Variants in HLCS observed in about 807,000 individuals in gnomAD.
The protein encoded by HLCS is biotin--protein ligase.
In HLCS, 53 loss-of-function variants were observed where a neutral mutation model predicts 75.0. That is an observed-to-expected ratio of 0.71 (90% CI 0.57 to 0.89). HLCS has a LOEUF of 0.89. Among genes scored for constraint, HLCS ranks in the 40% least tolerant of loss-of-function variants. The pLI is 0.00. For missense variants in HLCS, 966 were observed against 1,074.0 expected (o/e 0.90, Z 1.41); for synonymous variants, 431 against 428.6 (o/e 1.01, Z -0.07).
intron 6 of HLCS, among the ~76,000 whole-genome samples, chr21:36,858,644 A>C (rs1027317911): frequency 1.3e-5 from 2 of 152,184 alleles, no homozygotes; most frequent in African/African-American, 4.8e-5. Flanking sequence ...TCAAGGGCTG[A>C]GGAGGCCTTG....
At chr21:36,830,878 G>T (rs1388270731) in intron 6 of HLCS, among the ~76,000 whole-genome samples, 1 of 148,330 alleles carries the variant, frequency 6.7e-6, no homozygotes, top group Non-Finnish European at 1.5e-5. Flanking sequence ...CATCCAGGAT[G>T]AGGAGGCTTT....
intron 5 of HLCS, among the ~76,000 whole-genome samples, chr21:36,906,722 A>G (rs2146377585): frequency 6.6e-6 from 1 of 151,696 alleles, no homozygotes; most frequent in African/African-American, 2.4e-5. Context: ...GAAAATAGAA[A>G]CTATTTTAAA....
rs148342090 is a variant in HLCS at position 36,760,464 on chromosome 21, G to A, written c.2122-623C>T. Among the ~76,000 whole-genome samples, 1,303 of 152,198 alleles carry A rather than the reference G, an allele frequency of 8.6e-3. 11 individuals are homozygous for A. The highest frequency in any genetic ancestry group is 0.014 in the Middle Eastern group (4 of 294). ...TCTCTGCTAAAAATACAAAAAATTAGCTGGGTGTGGTGGTGTGCATCTGTA... is the reference window on the plus strand; with the variant it reads ...TCTCTGCTAAAAATACAAAAAATTAACTGGGTGTGGTGGTGTGCATCTGTA... On this transcript the variant is annotated intron_variant, in intron 8 of 10. Transcript: ENST00000674895.
At chr21:36,874,730 C>G (rs1458316789) in intron 6 of HLCS, among the ~76,000 whole-genome samples, 1 of 152,204 alleles carries the variant, frequency 6.6e-6, no homozygotes, top group African/African-American at 2.4e-5. Context: ...GGCTGCTGCA[C>G]TCCATGGAGC....
intron 2 of HLCS, among the ~76,000 whole-genome samples, chr21:36,940,677 C>T (rs201275341): frequency 2.0e-5 from 3 of 152,192 alleles, no homozygotes; most frequent in East Asian, 1.9e-4. Context: ...CTGCAAGACA[C>T]GCCACTTCTG....
intron 6 of HLCS, among the ~76,000 whole-genome samples, chr21:36,895,854 C>T (rs1017805159): frequency 1.3e-5 from 2 of 152,138 alleles, no homozygotes; most frequent in Non-Finnish European, 2.9e-5. Context: ...AGGGAAGGCA[C>T]TTTTGTTATT....
chr21:36,771,627 C>A (rs767071284), intron 6 of HLCS, among the ~76,000 whole-genome samples: 2 of 152,186 alleles, frequency 1.3e-5, no homozygotes, highest in African/African-American at 2.4e-5. Context: ...CAGATGACCA[C>A]CGGACACTTT....
Position 36,749,686 on chromosome 21 carries a change from TA to T in HLCS, c.*4559del, listed in dbSNP as rs1256704012. The T allele has an allele frequency of 6.6e-6, 1 of 152,210 alleles. No homozygotes were observed. Among genetic ancestry groups the T allele is most frequent in the Non-Finnish European group, 1.5e-5 (1 of 68,040 alleles). The allele number at this position is 152,210 out of a possible 1,614,324, so 9.4% of individuals were successfully genotyped here. ...TGCACAGGAAATAAGCCGAGGGTATTATTTTTTTATGTTCATGAGTCTTGTA... is the reference window on the plus strand; with the variant it reads ...TGCACAGGAAATAAGCCGAGGGTATTTTTTTTTATGTTCATGAGTCTTGTA... On this transcript the variant is annotated 3_prime_UTR_variant, in exon 11 of 11. Coordinates refer to ENST00000674895, the MANE Select transcript of HLCS (RefSeq NM_001352514.2).
intron 10 of HLCS, 80 bp downstream of exon 10, chr21:36,756,462 A>T: frequency 5.1e-6 from 3 of 585,644 alleles, no homozygotes; most frequent in Non-Finnish European, 8.6e-6. Flanking sequence ...AAAAAAAAAA[A>T]AAAAAAAAAA....
chr21:36,772,424 C>T (rs1175974096), intron 6 of HLCS, among the ~76,000 whole-genome samples: 1 of 151,462 alleles, frequency 6.6e-6, no homozygotes, highest in Non-Finnish European at 1.5e-5. Context: ...ATCACTTGAG[C>T]CCAGGAGTTC....
At chr21:36,923,432 C>T (rs1275538736) in intron 5 of HLCS, among the ~76,000 whole-genome samples, 1 of 152,172 alleles carries the variant, frequency 6.6e-6, no homozygotes, top group East Asian at 1.9e-4. Context: ...AGACGGGATG[C>T]TATCCCAAGA....
intron 5 of HLCS, among the ~76,000 whole-genome samples, chr21:36,920,514 AATAAT>A (rs1569193862): frequency 1.3e-5 from 2 of 152,288 alleles, no homozygotes; most frequent in Non-Finnish European, 1.5e-5. Flanking sequence ...AAATAACTAA[AATAAT>A]ATAATTTGTT....
At chr21:36,989,793 C>T (rs1020737649) in intron 1 of HLCS, among the ~76,000 whole-genome samples, 1 of 152,166 alleles carries the variant, frequency 6.6e-6, no homozygotes, top group Non-Finnish European at 1.5e-5. Flanking sequence ...GCGGGGCACG[C>T]GGCCAGGGGC....
chr21:36,776,480 T>C (rs574753305), intron 6 of HLCS, among the ~76,000 whole-genome samples: 21 of 152,096 alleles, frequency 1.4e-4, no homozygotes, highest in African/African-American at 3.6e-4. Context: ...AGTGGCACAA[T>C]CTAAGCTCAC....
At chr21:36,802,060 C>T (rs2061221427) in intron 6 of HLCS, among the ~76,000 whole-genome samples, 1 of 152,120 alleles carries the variant, frequency 6.6e-6, no homozygotes, top group African/African-American at 2.4e-5. Context: ...CTAACAGTAG[C>T]AAATAATATT....
Position 36,920,868 on chromosome 21 carries a change from T to C in HLCS, c.1620+9383A>G, listed in dbSNP as rs1359812173. The stretch of plus-strand genomic sequence containing the variant: ...TCCTGAAATGCATCAAGGTTGCCTA[T>C]GAAAAGTAATCTAGACAATCCTAGG... On this transcript the variant is annotated intron_variant, in intron 5 of 10. Coordinates refer to ENST00000674895, the MANE Select transcript of HLCS (RefSeq NM_001352514.2). Among the ~76,000 whole-genome samples the C allele has an allele frequency of 3.3e-5, 5 of 152,190 alleles. No individual in the cohort carries two copies. The East Asian group carries it at 5.8e-4, about 18-fold the overall frequency.
chr21:36,987,613 C>CA (rs1351992537), intron 1 of HLCS, among the ~76,000 whole-genome samples: 2 of 151,780 alleles, frequency 1.3e-5, no homozygotes, highest in East Asian at 1.9e-4. Flanking sequence ...ACTCTGTCTC[C>CA]AAAAAAACGA....
intron 5 of HLCS, among the ~76,000 whole-genome samples, chr21:36,900,082 G>A (rs1450961700): frequency 6.6e-6 from 1 of 152,000 alleles, no homozygotes; most frequent in Non-Finnish European, 1.5e-5. Context: ...TCCAGACTGG[G>A]TGATAGAGTG....
intron 6 of HLCS, among the ~76,000 whole-genome samples, chr21:36,810,031 T>C (rs1399332482): frequency 6.6e-6 from 1 of 152,238 alleles, no homozygotes; most frequent in African/African-American, 2.4e-5. Flanking sequence ...GCGTGAGCCG[T>C]GGCACCCAGC....
Sources: allele counts gnomAD v4.1 joint callset (sites outside exome capture counted in the v4.1 genomes callset), GRCh38; gene constraint gnomAD v4.1.1; transcripts MANE v1.5; gene names NCBI Gene and HGNC (gene_info 2026-07-23, HGNC 2026-07-21).